The following SPOCK3 variants were observed in gnomAD, a reference collection of about 807,000 sequenced individuals.
SPOCK3 encodes the protein SPARC (osteonectin), cwcv and kazal like domains proteoglycan 3.
Under a neutral mutation model 56.6 loss-of-function variants are expected in SPOCK3, and 30 were observed. The observed-to-expected ratio is 0.53, with a 90% CI of 0.40 to 0.72. The LOEUF is 0.72. Ranked by LOEUF, SPOCK3 falls within the 30% of genes least tolerant of loss-of-function variation. The pLI, the probability that SPOCK3 is intolerant of heterozygous loss-of-function variation, is 0.00. For synonymous variants in SPOCK3, 196 were observed against 183.3 expected (o/e 1.07, Z -0.56); for missense variants, 527 against 530.0 (o/e 0.99, Z 0.06).
chr4:166,869,644 G>A (rs1364061121), intron 6 of SPOCK3, among the ~76,000 whole-genome samples: 1 of 146,742 alleles, frequency 6.8e-6, no homozygotes, highest in African/African-American at 2.6e-5. Context: ...GTGTGTGTGT[G>A]TGTTTGAGAT....
At chr4:166,949,405 G>A (rs1386117782) in intron 4 of SPOCK3, among the ~76,000 whole-genome samples, 1 of 152,168 alleles carries the variant, frequency 6.6e-6, no homozygotes, top group African/African-American at 2.4e-5. Context: ...CTTTGGAGGA[G>A]GAGAGGTGCT....
intron 6 of SPOCK3, among the ~76,000 whole-genome samples, chr4:166,874,064 C>G (rs969209841): frequency 1.3e-5 from 2 of 151,994 alleles, no homozygotes; most frequent in African/African-American, 4.8e-5. Flanking sequence ...GAAGTAGTGT[C>G]GCCATGCAGG....
intron 2 of SPOCK3, among the ~76,000 whole-genome samples, chr4:167,142,874 G>A (rs578178999): frequency 6.6e-5 from 10 of 152,024 alleles, no homozygotes; most frequent in African/African-American, 2.4e-4. Context: ...TAAATTGGAG[G>A]ATGGAGCAAG....
At chr4:166,769,760 TG>T (rs1160884014) in intron 7 of SPOCK3, among the ~76,000 whole-genome samples, 1 of 152,198 alleles carries the variant, frequency 6.6e-6, no homozygotes, top group African/African-American at 2.4e-5. Flanking sequence ...TGCTGCCTTT[TG>T]TTCAGCTATG....
chr4:166,861,812 G>T (rs1262693950), intron 6 of SPOCK3, among the ~76,000 whole-genome samples: 1 of 152,104 alleles, frequency 6.6e-6, no homozygotes, highest in Non-Finnish European at 1.5e-5. Context: ...ACAAAGTAGA[G>T]TTTTTTGGCA....
upstream of SPOCK3, chr4:167,234,587 C>T (rs1024971514): frequency 9.0e-6 from 2 of 221,082 alleles, no homozygotes; most frequent in Non-Finnish European, 1.8e-5. Context: ...GGCGCGCTCC[C>T]CCCATCTCCA....
intron 8 of SPOCK3, 45 bp downstream of exon 8, chr4:166,754,463 A>G (rs745448118): frequency 1.9e-6 from 3 of 1,570,822 alleles, no homozygotes; most frequent in South Asian, 2.3e-5. Flanking sequence ...GTAAAATTTG[A>G]CATGCAGGTC....
intron 7 of SPOCK3, among the ~76,000 whole-genome samples, chr4:166,773,760 C>T (rs1560842558): frequency 6.6e-6 from 1 of 152,286 alleles, no homozygotes; most frequent in African/African-American, 2.4e-5. Flanking sequence ...CTCTAATCCA[C>T]CTACCTCATT....
rs1245754525 is a variant in SPOCK3, at chr4:166,753,701, C to T, written c.931+807G>A. On this transcript the variant is annotated intron_variant, in intron 8 of 10. Transcript: ENST00000357545. ...CAAGAATTTAAAAAAGCATTGACAACAGCAGGCTTTACCACATTAATTCCC... is the reference window on the plus strand; with the variant it reads ...CAAGAATTTAAAAAAGCATTGACAATAGCAGGCTTTACCACATTAATTCCC... Among the ~76,000 whole-genome samples, 4 of 152,016 alleles carry T rather than the reference C, an allele frequency of 2.6e-5. No individual in the cohort carries two copies. In the East Asian group the frequency reaches 5.8e-4, roughly 22 times the overall value.
chr4:166,814,426 AC>A (rs1402267998), intron 6 of SPOCK3, among the ~76,000 whole-genome samples: 3 of 151,932 alleles, frequency 2.0e-5, no homozygotes, highest in Non-Finnish European at 4.4e-5. Flanking sequence ...GGAGAGGAAG[AC>A]CCACCCTCAT....
chr4:167,135,547 C>G (rs1016782693), intron 2 of SPOCK3, among the ~76,000 whole-genome samples: 1 of 152,144 alleles, frequency 6.6e-6, no homozygotes, highest in African/African-American at 2.4e-5. Flanking sequence ...TATGAACACT[C>G]TGACCACCAG....
At chr4:167,198,642 C>T (rs1279742921) in intron 2 of SPOCK3, among the ~76,000 whole-genome samples, 10 of 151,950 alleles carry the variant, frequency 6.6e-5, no homozygotes, top group Non-Finnish European at 1.5e-5. Context: ...TTGTGTTTTT[C>T]TTTTATTTTG....
At chr4:166,779,246 T>C (rs887865231) in intron 7 of SPOCK3, among the ~76,000 whole-genome samples, 6 of 152,128 alleles carry the variant, frequency 3.9e-5, no homozygotes, top group Admixed American at 3.9e-4. Context: ...ATCCTGAATT[T>C]TGAGACATGT....
At chr4:166,899,189 G>T (rs56311229) in intron 5 of SPOCK3, among the ~76,000 whole-genome samples, 38,697 of 150,592 alleles carry the variant, frequency 0.26, 5,877 homozygotes, top group East Asian at 0.68. Context: ...ACAGATCTTG[G>T]TACTTGTTAG....
In SPOCK3 at chr4:166,954,400, C is replaced by T. The variant is rs535895002; in HGVS notation, c.351-41657G>A. On this transcript the variant is annotated intron_variant, in intron 4 of 10. Transcript: ENST00000357545. Reference sequence around the variant, plus strand: ...CCTATAGCAACATTATGGAAGTTTTCCCCTATGATTTTTTTTCTAGTAGTT... The same window carrying T: ...CCTATAGCAACATTATGGAAGTTTTTCCCTATGATTTTTTTTCTAGTAGTT... Among the ~76,000 whole-genome samples, 19 of 152,096 alleles carry T rather than the reference C, an allele frequency of 1.2e-4. No individual in the cohort carries two copies. The East Asian group carries it at 2.7e-3, about 22-fold the overall frequency.
chr4:166,874,428 T>C (rs1366431943), intron 6 of SPOCK3, among the ~76,000 whole-genome samples: 2 of 152,206 alleles, frequency 1.3e-5, no homozygotes, highest in Non-Finnish European at 2.9e-5. Flanking sequence ...TTGAAAAATA[T>C]AGGTCTTTGA....
chr4:167,029,579 C>A (rs1191419905), intron 3 of SPOCK3, among the ~76,000 whole-genome samples: 2 of 151,910 alleles, frequency 1.3e-5, no homozygotes, highest in Non-Finnish European at 2.9e-5. Flanking sequence ...AATTTACTTC[C>A]CTTCAATTTT....
At chr4:167,111,004 T>A (rs815215) in intron 2 of SPOCK3, among the ~76,000 whole-genome samples, 23,458 of 151,856 alleles carry the variant, frequency 0.15, 2,131 homozygotes, top group Middle Eastern at 0.22. Flanking sequence ...ATATTTTATT[T>A]GATAATAAGC....
rs916101591 is a variant in SPOCK3 at position 166,824,837 on chromosome 4, T to A, written c.590-32548A>T. On this transcript the variant is annotated intron_variant, in intron 6 of 10. Coordinates refer to ENST00000357545, the MANE Select transcript of SPOCK3 (RefSeq NM_001040159.2). ...ATCCCATTATTTTTACGTAATTGAC[T>A]GGAGTTCTCATATCCTTGCAGGGAA... Among the ~76,000 whole-genome samples the A allele has an allele frequency of 2.0e-5, 3 of 152,108 alleles. No homozygotes were observed. The South Asian group carries it at 6.2e-4, about 32-fold the overall frequency.
Sources: gnomAD v4.1 joint callset for allele counts (sites outside exome capture counted in the v4.1 genomes callset) on GRCh38, gnomAD v4.1.1 for gene constraint, MANE v1.5 for transcripts, NCBI Gene and HGNC (gene_info 2026-07-23, HGNC 2026-07-21) for gene names.